Variants in CFAP299 observed in about 807,000 individuals in gnomAD.
The protein encoded by CFAP299 is cilia and flagella associated protein 299.
CFAP299 carries 21 observed loss-of-function variants against 27.0 expected under a neutral mutation model. That is an observed-to-expected ratio of 0.78 (90% CI 0.55 to 1.12). The LOEUF (loss-of-function observed/expected upper bound fraction) is 1.12, where lower values mean the gene tolerates loss of function less well. Ranked by LOEUF, CFAP299 falls within the 50% of genes most tolerant of loss-of-function variation. The pLI, the probability that CFAP299 is intolerant of heterozygous loss-of-function variation, is 0.00. For synonymous variants in CFAP299, 104 were observed against 98.1 expected (o/e 1.06, Z -0.36); for missense variants, 310 against 276.6 (o/e 1.12, Z -0.86).
At chr4:80,418,078 C>T (rs1351509348) in intron 2 of CFAP299, among the ~76,000 whole-genome samples, 1 of 152,112 alleles carries the variant, frequency 6.6e-6, no homozygotes, top group Non-Finnish European at 1.5e-5. Flanking sequence ...TGGACAAAGC[C>T]AGATATGTAC....
chr4:80,327,583 T>C, the CFAP299 span, among the ~76,000 whole-genome samples: 3 of 150,716 alleles, frequency 2.0e-5, no homozygotes, highest in Admixed American at 6.6e-5. Flanking sequence ...AGGAGGCTAT[T>C]ATAGTTGTCC....
chr4:80,329,073 CT>C, the CFAP299 span, among the ~76,000 whole-genome samples: 2 of 151,676 alleles, frequency 1.3e-5, no homozygotes, highest in Admixed American at 6.6e-5. Context: ...TATAAGATTT[CT>C]TTTTTTGCGA....
intron 5 of CFAP299, among the ~76,000 whole-genome samples, chr4:80,961,621 A>G (rs1463745099): frequency 2.0e-5 from 3 of 151,850 alleles, no homozygotes; most frequent in South Asian, 4.1e-4. Flanking sequence ...AAAAAGAGAT[A>G]AAGGTCTTTC....
chr4:80,906,505 C>T (rs1735193174), intron 4 of CFAP299, among the ~76,000 whole-genome samples: 1 of 152,252 alleles, frequency 6.6e-6, no homozygotes, highest in African/African-American at 2.4e-5. Flanking sequence ...CATGTGTCTT[C>T]CACATTGTCC....
intron 3 of CFAP299, among the ~76,000 whole-genome samples, chr4:80,718,942 A>G (rs1307332356): frequency 1.3e-5 from 2 of 152,174 alleles, no homozygotes; most frequent in Non-Finnish European, 2.9e-5. Context: ...CATATACACC[A>G]TGGAATACTA....
At chr4:80,683,428 T>C (rs2110007359) in intron 3 of CFAP299, among the ~76,000 whole-genome samples, 2 of 152,336 alleles carry the variant, frequency 1.3e-5, no homozygotes, top group Non-Finnish European at 2.9e-5. Context: ...TATTCTGTCA[T>C]TTCCAAGGGA....
intron 2 of CFAP299, among the ~76,000 whole-genome samples, chr4:80,496,787 T>C (rs993030660): frequency 6.6e-6 from 1 of 152,154 alleles, no homozygotes; most frequent in Non-Finnish European, 1.5e-5. Context: ...CCACAGGCTA[T>C]ACAGGAAGCA....
intron 4 of CFAP299, among the ~76,000 whole-genome samples, chr4:80,924,419 G>A (rs1736197894): frequency 6.6e-6 from 1 of 151,466 alleles, no homozygotes; most frequent in South Asian, 2.1e-4. Context: ...GTTGAAGTCA[G>A]AATTTGGCCT....
At chr4:80,670,478 A>G (rs527584632) in intron 3 of CFAP299, among the ~76,000 whole-genome samples, 1 of 152,278 alleles carries the variant, frequency 6.6e-6, no homozygotes, top group African/African-American at 2.4e-5. Flanking sequence ...TAGTAGCATG[A>G]TTTATAATCC....
At chr4:80,504,024 TTTAA>T (rs1731872504) in intron 2 of CFAP299, among the ~76,000 whole-genome samples, 1 of 152,092 alleles carries the variant, frequency 6.6e-6, no homozygotes, top group Non-Finnish European at 1.5e-5. Flanking sequence ...AGGATGGTAC[TTTAA>T]TTAAATAATC....
At chr4:80,889,606 ACTTCCAAACTT>A (rs1734150287) in intron 4 of CFAP299, among the ~76,000 whole-genome samples, 1 of 152,042 alleles carries the variant, frequency 6.6e-6, no homozygotes, top group Admixed American at 6.6e-5. Flanking sequence ...AAGACAGAAT[ACTTCCAAACTT>A]ATTCTACAAA....
intron 2 of CFAP299, among the ~76,000 whole-genome samples, chr4:80,467,251 G>C (rs1186853053): frequency 6.6e-6 from 1 of 152,118 alleles, no homozygotes; most frequent in South Asian, 2.1e-4. Context: ...GCTATCAATC[G>C]TGACTTTCCC....
Position 80,871,276 on chromosome 4 carries a change from C to G in CFAP299, c.476+1141C>G, listed in dbSNP as rs1398770293. On this transcript the variant is annotated intron_variant, in intron 4 of 5. Transcript: ENST00000358105. ...GGATAACATTTCATTTAACTTCTCTCTTGCAGTAATGCCCATTGCCCATGT... is the reference window on the plus strand; with the variant it reads ...GGATAACATTTCATTTAACTTCTCTGTTGCAGTAATGCCCATTGCCCATGT... The G allele has an allele frequency of 9.1e-6, 9 of 985,456 alleles. No homozygotes were observed. In the South Asian group the frequency reaches 4.2e-4, roughly 46 times the overall value. 61.0% of individuals were successfully genotyped at this position (985,456 alleles called of 1,614,324 possible).
At chr4:80,761,682 G>A (rs1261616021) in intron 3 of CFAP299, among the ~76,000 whole-genome samples, 1 of 151,830 alleles carries the variant, frequency 6.6e-6, no homozygotes, top group Non-Finnish European at 1.5e-5. Context: ...TTTTATTATT[G>A]CATTAATAAG....
In CFAP299 at chr4:80,457,533, A is replaced by G. The variant is rs558321101; in HGVS notation, c.242+94649A>G. 2.0e-5 allele frequency among the ~76,000 whole-genome samples: 3 copies of G among 152,250 alleles called. No individual in the cohort carries two copies. In the South Asian group the frequency reaches 6.2e-4, roughly 32 times the overall value. The stretch of plus-strand genomic sequence containing the variant: ...GACACCGGAACAAATTTATGTGTAA[A>G]AGATCTATTTGATACTTTCATCTCT... On this transcript the variant is annotated intron_variant, in intron 2 of 5. Coordinates refer to ENST00000358105, the MANE Select transcript of CFAP299 (RefSeq NM_152770.3).
intron 4 of CFAP299, 60 bp downstream of exon 4, chr4:80,870,195 G>A (rs1733001889): frequency 2.7e-6 from 4 of 1,509,382 alleles, no homozygotes; most frequent in South Asian, 1.4e-5. Context: ...TTATTTTATG[G>A]TCTACATTGT....
At chr4:80,488,414 T>C (rs2110135025) in intron 2 of CFAP299, among the ~76,000 whole-genome samples, 1 of 152,284 alleles carries the variant, frequency 6.6e-6, no homozygotes. Context: ...TTTCATACTA[T>C]GTGCCAGCCT....
intron 3 of CFAP299, among the ~76,000 whole-genome samples, chr4:80,741,491 G>A (rs776875097): frequency 2.0e-5 from 3 of 152,072 alleles, no homozygotes; most frequent in Non-Finnish European, 2.9e-5. Context: ...TGGGAGCTAG[G>A]GCCTGGAATG....
intron 3 of CFAP299, among the ~76,000 whole-genome samples, chr4:80,719,152 G>A (rs2110043870): frequency 6.6e-6 from 1 of 152,250 alleles, no homozygotes; most frequent in Middle Eastern, 3.4e-3. Flanking sequence ...AACGTGGAGG[G>A]TGGAAGGGAA....
Sources: gnomAD v4.1 joint callset for allele counts (sites outside exome capture counted in the v4.1 genomes callset) on GRCh38, gnomAD v4.1.1 for gene constraint, MANE v1.5 for transcripts, NCBI Gene and HGNC (gene_info 2026-07-23, HGNC 2026-07-21) for gene names.